Variants in GRIA4 observed in about 807,000 individuals in gnomAD.
GRIA4 encodes glutamate ionotropic receptor AMPA type subunit 4, also known as glutamate receptor 4.
GRIA4 carries 34 observed loss-of-function variants against 104.0 expected under a neutral mutation model. The ratio of observed to expected loss-of-function variants is 0.33; its 90% CI spans 0.25 to 0.44. The LOEUF (loss-of-function observed/expected upper bound fraction) is 0.44. GRIA4 is among the 20% of genes least tolerant of loss of function. GRIA4 has a pLI of 1.00. For synonymous variants in GRIA4, 386 were observed against 381.9 expected (o/e 1.01, Z -0.13); for missense variants, 750 against 1,096.5 (o/e 0.68, Z 4.46).
chr11:105,735,471 G>A (rs1168348162), intron 3 of GRIA4, among the ~76,000 whole-genome samples: 1 of 152,078 alleles, frequency 6.6e-6, no homozygotes, highest in East Asian at 1.9e-4. Flanking sequence ...ATAAAATATA[G>A]TTTAAATAAC....
intron 3 of GRIA4, among the ~76,000 whole-genome samples, chr11:105,705,635 G>A (rs561013568): frequency 1.3e-5 from 2 of 152,140 alleles, no homozygotes; most frequent in East Asian, 1.9e-4. Flanking sequence ...GAGCTTACTC[G>A]AGTACATCCG....
chr11:105,822,524 C>CAATG (rs1943613034), intron 4 of GRIA4, among the ~76,000 whole-genome samples: 1 of 152,092 alleles, frequency 6.6e-6, no homozygotes, highest in South Asian at 2.1e-4. Flanking sequence ...AATGTCTGAG[C>CAATG]AATGGTAGGG....
At chr11:105,760,568 G>A (rs1178304004) in intron 4 of GRIA4, among the ~76,000 whole-genome samples, 1 of 152,108 alleles carries the variant, frequency 6.6e-6, no homozygotes, top group Non-Finnish European at 1.5e-5. Context: ...TGCAGAACAT[G>A]ACATATTTTT....
chr11:105,801,474 T>C (rs1254488905), intron 4 of GRIA4, among the ~76,000 whole-genome samples: 3 of 152,028 alleles, frequency 2.0e-5, no homozygotes, highest in Admixed American at 2.0e-4. Flanking sequence ...ACTTTCTGAA[T>C]AAAAAAGTGC....
Position 105,755,249 on chromosome 11 carries a change from C to CA in GRIA4, c.487+2037dup, listed in dbSNP as rs548481658. Among the ~76,000 whole-genome samples the CA allele has an allele frequency of 3.8e-3, 570 of 151,162 alleles. 3 individuals carry two copies. The highest frequency in any genetic ancestry group is 0.014 in the Middle Eastern group (4 of 292). ...TTTTAAACTGCCTTTAATCCTCTTG[C>CA]AAAAAAAATGTTGAGATTCAGGTAA... On this transcript the variant is annotated intron_variant, in intron 4 of 16. Transcript: ENST00000282499.
chr11:105,827,328 T>G (rs1943807932), intron 4 of GRIA4, among the ~76,000 whole-genome samples: 1 of 152,028 alleles, frequency 6.6e-6, no homozygotes, highest in African/African-American at 2.4e-5. Context: ...TCAGTGACAT[T>G]ACTTTAGTGG....
chr11:105,966,023 G>A lies in GRIA4; in HGVS notation c.2295-5891G>A, dbSNP rs774816694. On this transcript the variant is annotated intron_variant, in intron 14 of 16. Transcript: ENST00000282499. ...CAAATTGAAAAACAAATGGTGGTAC[G>A]ACAAAGGAGAATGTGGCAGCGGGGG... 1.2e-6 allele frequency: 2 copies of A among 1,613,342 alleles called. No individual in the cohort carries two copies. The highest frequency in any genetic ancestry group is 1.1e-5 in the South Asian group (1 of 91,074).
At position 105,700,792 on chromosome 11, in the gene GRIA4, T is replaced by C. The variant is rs78720980; in HGVS notation, c.248-52189T>C. Among the ~76,000 whole-genome samples, 1,221 of 152,280 alleles carry C rather than the reference T, an allele frequency of 8.0e-3. 30 individuals are homozygous for C. The highest frequency in any genetic ancestry group is 0.028 in the African/African-American group (1,162 of 41,560). ...GTCAACTCTTATGTGGATGAATGCA[T>C]TCCCTTTTCACTGCTTTTCCTGCCT... On this transcript the variant is annotated intron_variant, in intron 3 of 16. Coordinates refer to ENST00000282499, the MANE Select transcript of GRIA4 (RefSeq NM_000829.4).
intron 6 of GRIA4, among the ~76,000 whole-genome samples, chr11:105,894,059 T>C (rs1402267940): frequency 6.6e-6 from 1 of 152,184 alleles, no homozygotes; most frequent in East Asian, 1.9e-4. Context: ...ATAGTGATCA[T>C]TTACTGAATT....
At chr11:105,766,391 TA>T (rs1380011989) in intron 4 of GRIA4, among the ~76,000 whole-genome samples, 1 of 152,224 alleles carries the variant, frequency 6.6e-6, no homozygotes, top group African/African-American at 2.4e-5. Flanking sequence ...AGTTAATCTC[TA>T]CATAAAATAA....
chr11:105,835,070 A>C (rs1028741958), intron 4 of GRIA4, among the ~76,000 whole-genome samples: 2 of 152,052 alleles, frequency 1.3e-5, no homozygotes, highest in Non-Finnish European at 2.9e-5. Flanking sequence ...TGAAATTCCC[A>C]AAGAGCTGAA....
intron 3 of GRIA4, among the ~76,000 whole-genome samples, chr11:105,750,996 T>G (rs1243033298): frequency 6.6e-6 from 1 of 152,102 alleles, no homozygotes; most frequent in African/African-American, 2.4e-5. Flanking sequence ...GTGGCATACT[T>G]TAAAAGATTA....
intron 5 of GRIA4, chr11:105,862,430 T>C (rs1269041898): frequency 4.7e-6 from 2 of 429,992 alleles, no homozygotes; most frequent in Non-Finnish European, 8.3e-6. Context: ...ATTTCTCACA[T>C]ATTCTTAAGA....
chr11:105,943,927 G>C (rs1023952606), intron 14 of GRIA4, among the ~76,000 whole-genome samples: 1 of 151,872 alleles, frequency 6.6e-6, no homozygotes, highest in Non-Finnish European at 1.5e-5. Context: ...TAAAAGGGCT[G>C]GTTTGTCAAA....
At chr11:105,634,181 TA>T (rs1162811373) in intron 3 of GRIA4, among the ~76,000 whole-genome samples, 2 of 151,850 alleles carry the variant, frequency 1.3e-5, no homozygotes, top group Admixed American at 1.3e-4. Context: ...ACCCCGACTC[TA>T]CTAAAAATAC....
intron 14 of GRIA4, among the ~76,000 whole-genome samples, chr11:105,950,014 C>T (rs1948420921): frequency 6.6e-6 from 1 of 152,150 alleles, no homozygotes; most frequent in African/African-American, 2.4e-5. Context: ...AATGAGAATC[C>T]TCTGTCTGGC....
Position 105,826,411 on chromosome 11 carries a change from A to C in GRIA4, c.488-35613A>C, listed in dbSNP as rs183720476. On this transcript the variant is annotated intron_variant, in intron 4 of 16. Transcript: ENST00000282499. ...GTCAATGCCTCATCTATGGTTTCCA[A>C]CTGGAGCTTGTCTGTCTTAGGGACA... Among the ~76,000 whole-genome samples, 10 of 152,156 alleles carry C rather than the reference A, an allele frequency of 6.6e-5. No homozygotes were observed. The East Asian group carries it at 1.9e-3, about 30-fold the overall frequency.
At position 105,838,617 on chromosome 11, in the gene GRIA4, T is replaced by G. The variant is rs1944277793; in HGVS notation, c.488-23407T>G. Among the ~76,000 whole-genome samples the G allele has an allele frequency of 2.6e-5, 4 of 152,208 alleles. No homozygotes were observed. The South Asian group carries it at 8.3e-4, about 31-fold the overall frequency. On this transcript the variant is annotated intron_variant, in intron 4 of 16. Transcript: ENST00000282499. ...GCAACAAATCTTTCTTTCCATAAAT[T>G]GAACTAAAATGTTCTGCCATTATAA...
intron 4 of GRIA4, among the ~76,000 whole-genome samples, chr11:105,837,117 A>C (rs1291856971): frequency 1.3e-5 from 2 of 152,058 alleles, no homozygotes; most frequent in African/African-American, 4.8e-5. Context: ...ACTGTCAAAC[A>C]CTTATAAAAC....
Sources: gnomAD v4.1 joint callset for allele counts (sites outside exome capture counted in the v4.1 genomes callset) on GRCh38, gnomAD v4.1.1 for gene constraint, MANE v1.5 for transcripts, NCBI Gene and HGNC (gene_info 2026-07-23, HGNC 2026-07-21) for gene names.